RABGAP1L: variants seen among roughly 807,000 people sequenced by gnomAD.
RABGAP1L encodes rab GTPase-activating protein 1-like.
In RABGAP1L, 63 loss-of-function variants were observed where a neutral mutation model predicts 137.7. That is an observed-to-expected ratio of 0.46 (90% CI 0.37 to 0.56). The LOEUF is 0.56. RABGAP1L is among the 20% of genes least tolerant of loss of function. RABGAP1L has a pLI of 0.00. For synonymous variants in RABGAP1L, 431 were observed against 433.7 expected (o/e 0.99, Z 0.08); for missense variants, 1,095 against 1,244.0 (o/e 0.88, Z 1.80).
At chr1:174,473,091 A>AG (rs1658118619) in intron 13 of RABGAP1L, among the ~76,000 whole-genome samples, 1 of 152,206 alleles carries the variant, frequency 6.6e-6, no homozygotes, top group African/African-American at 2.4e-5. Flanking sequence ...GAGAAGTGTT[A>AG]GGAAGAGAAA....
intron 10 of RABGAP1L, among the ~76,000 whole-genome samples, chr1:174,287,381 A>G (rs1403420325): frequency 1.3e-5 from 2 of 152,200 alleles, no homozygotes; most frequent in African/African-American, 4.8e-5. Flanking sequence ...TGCATGGAAT[A>G]TCTTTTTCCA....
chr1:174,724,719 T>C (rs1327701415), intron 17 of RABGAP1L, among the ~76,000 whole-genome samples: 1 of 152,168 alleles, frequency 6.6e-6, no homozygotes, highest in Non-Finnish European at 1.5e-5. Flanking sequence ...AATACACTAA[T>C]GGGCAGATAA....
chr1:174,939,098 T>A (rs966435011), intron 19 of RABGAP1L, among the ~76,000 whole-genome samples: 7 of 152,264 alleles, frequency 4.6e-5, no homozygotes, highest in African/African-American at 1.7e-4. Flanking sequence ...TTCGATTTTT[T>A]TAAATCAATT....
intron 13 of RABGAP1L, among the ~76,000 whole-genome samples, chr1:174,416,389 G>A (rs1278211523): frequency 6.6e-6 from 1 of 151,978 alleles, no homozygotes; most frequent in Non-Finnish European, 1.5e-5. Context: ...AACTGCTTAT[G>A]TCCCAGTTAA....
intron 13 of RABGAP1L, among the ~76,000 whole-genome samples, chr1:174,482,883 G>A (rs1206496809): frequency 6.6e-6 from 1 of 152,162 alleles, no homozygotes; most frequent in African/African-American, 2.4e-5. Flanking sequence ...CTGCTACATA[G>A]TAGAAGCTCA....
chr1:174,729,928 T>C (rs915634922), intron 17 of RABGAP1L, among the ~76,000 whole-genome samples: 1 of 152,214 alleles, frequency 6.6e-6, no homozygotes, highest in Non-Finnish European at 1.5e-5. Context: ...TCAAAGAACT[T>C]AAAACAGAAC....
At chr1:174,842,106 G>A (rs1208455422) in intron 19 of RABGAP1L, among the ~76,000 whole-genome samples, 1 of 152,052 alleles carries the variant, frequency 6.6e-6, no homozygotes, top group Non-Finnish European at 1.5e-5. Flanking sequence ...AAATAAACTA[G>A]GTATATAGTT....
intron 13 of RABGAP1L, among the ~76,000 whole-genome samples, chr1:174,536,689 A>T (rs1184471498): frequency 1.3e-5 from 2 of 152,156 alleles, no homozygotes; most frequent in Admixed American, 6.5e-5. Flanking sequence ...TTTGGAAATC[A>T]TCTTTTGTGT....
At chr1:174,420,775 C>T (rs920468348) in intron 13 of RABGAP1L, among the ~76,000 whole-genome samples, 1 of 151,068 alleles carries the variant, frequency 6.6e-6, no homozygotes, top group African/African-American at 2.4e-5. Flanking sequence ...CCTGGGTTCA[C>T]GCCATTCTCC....
intron 5 of RABGAP1L, 68 bp downstream of exon 5, chr1:174,241,725 T>G (rs1021248816): frequency 2.2e-5 from 27 of 1,235,108 alleles, no homozygotes; most frequent in Non-Finnish European, 2.8e-5. Context: ...AGCTCTAATT[T>G]CACTGTTGTA....
At chr1:174,180,501 G>GTGC (rs1484819271) in intron 1 of RABGAP1L, among the ~76,000 whole-genome samples, 22 of 152,156 alleles carry the variant, frequency 1.4e-4, no homozygotes, top group African/African-American at 4.8e-4. Context: ...GTCTCACTCT[G>GTGC]TCACCTACCT....
chr1:174,714,571 G>T (rs928283496), intron 17 of RABGAP1L, among the ~76,000 whole-genome samples: 3 of 152,142 alleles, frequency 2.0e-5, no homozygotes, highest in Non-Finnish European at 4.4e-5. Flanking sequence ...TTGCTCTTGA[G>T]TTTTAAGAGG....
intron 11 of RABGAP1L, among the ~76,000 whole-genome samples, chr1:174,335,099 C>T (rs1041154018): frequency 6.6e-5 from 10 of 152,034 alleles, no homozygotes; most frequent in South Asian, 2.1e-4. Flanking sequence ...AAAAAAGCTA[C>T]GAAAATTACA....
At chr1:174,297,974 G>T (rs1191260631) in intron 10 of RABGAP1L, among the ~76,000 whole-genome samples, 5 of 152,160 alleles carry the variant, frequency 3.3e-5, no homozygotes, top group Non-Finnish European at 7.3e-5. Flanking sequence ...CCAGTTTGGA[G>T]GATGCATCCG....
intron 13 of RABGAP1L, among the ~76,000 whole-genome samples, chr1:174,611,363 TG>T (rs1557896906): frequency 6.6e-6 from 1 of 152,160 alleles, no homozygotes; most frequent in African/African-American, 2.4e-5. Context: ...ATCAGATAGT[TG>T]TAGATATGTG....
chr1:174,265,256 A>T (rs924467363), intron 7 of RABGAP1L, among the ~76,000 whole-genome samples: 2 of 152,214 alleles, frequency 1.3e-5, no homozygotes, highest in East Asian at 3.8e-4. Flanking sequence ...CACTATCTGA[A>T]TGTCCTGTAT....
chr1:174,306,123 C>T lies in RABGAP1L; in HGVS notation c.1465+996C>T, dbSNP rs541143337. ...CATTTTTTATGGCTGCATAGTATTCCGTGGTGTATATGTGCCACATTTTCG... is the reference window on the plus strand; with the variant it reads ...CATTTTTTATGGCTGCATAGTATTCTGTGGTGTATATGTGCCACATTTTCG... On this transcript the variant is annotated intron_variant, in intron 11 of 25. Transcript: ENST00000681986. Among the ~76,000 whole-genome samples the T allele has an allele frequency of 7.9e-5, 12 of 152,260 alleles. No homozygotes were observed. The East Asian group carries it at 1.2e-3, about 15-fold the overall frequency.
chr1:174,940,004 A>G (rs1436942286), intron 19 of RABGAP1L, among the ~76,000 whole-genome samples: 1 of 152,254 alleles, frequency 6.6e-6, no homozygotes, highest in African/African-American at 2.4e-5. Context: ...TGCAGTAGAT[A>G]CCAACTGTAA....
At chr1:174,331,662 C>G (rs773445480) in intron 11 of RABGAP1L, among the ~76,000 whole-genome samples, 10 of 151,290 alleles carry the variant, frequency 6.6e-5, no homozygotes, top group African/African-American at 1.2e-4. Context: ...AAGAAGAACT[C>G]TCTTTTTTTT....
Sources: allele counts gnomAD v4.1 joint callset (sites outside exome capture counted in the v4.1 genomes callset), GRCh38; gene constraint gnomAD v4.1.1; transcripts MANE v1.5; gene names NCBI Gene and HGNC (gene_info 2026-07-23, HGNC 2026-07-21).